Variants in SPSB1 observed in about 807,000 individuals in gnomAD.
SPSB1 encodes SPRY domain-containing SOCS box protein 1.
In SPSB1, 8 loss-of-function variants were observed where a neutral mutation model predicts 21.2. The observed-to-expected ratio is 0.38, with a 90% confidence interval of 0.22 to 0.68. The LOEUF is 0.68. SPSB1 is among the 30% of genes least tolerant of loss of function. The pLI, the probability that SPSB1 is intolerant of heterozygous loss-of-function variation, is 0.53. For synonymous variants in SPSB1, 169 were observed against 161.7 expected (o/e 1.05, Z -0.34); for missense variants, 242 against 377.8 (o/e 0.64, Z 2.98).
rs945183556 is a variant in SPSB1, at chr1:9,317,740, C to T, written c.-150+24669C>T. On this transcript the variant is annotated intron_variant, in intron 1 of 2. Transcript: ENST00000328089. This position sits in a 1 kb window ranked among gnomAD's most constrained non-coding sequence, Gnocchi z 4.3. ...TGAAGCAGTCCACCCTCCTTGGCCT[C>T]CCAGAGTGTTGGGATTACAGGCGTG... 1.3e-5 allele frequency among the ~76,000 whole-genome samples: 2 copies of T among 152,180 alleles called. No homozygotes were observed. The highest frequency in any genetic ancestry group is 6.5e-5 in the Admixed American group (1 of 15,282).
At chr1:9,307,244 G>A (rs1452995946) in intron 1 of SPSB1, among the ~76,000 whole-genome samples, 2 of 152,082 alleles carry the variant, frequency 1.3e-5, no homozygotes, top group Non-Finnish European at 2.9e-5. Flanking sequence ...TCTCAGTTGA[G>A]GTGAAATTCA....
At chr1:9,325,103 C>T (rs997444964) in intron 1 of SPSB1, among the ~76,000 whole-genome samples, 2 of 152,168 alleles carry the variant, frequency 1.3e-5, no homozygotes, top group Admixed American at 1.3e-4. Context: ...GAGCTCAGCA[C>T]GTGGAGTTGG....
At chr1:9,315,940 G>A (rs1415871947) in intron 1 of SPSB1, among the ~76,000 whole-genome samples, 2 of 152,204 alleles carry the variant, frequency 1.3e-5, no homozygotes, top group African/African-American at 2.4e-5. Context: ...CGGGTTTCAC[G>A]CGTGCGGCTC....
In SPSB1 at chr1:9,305,322, G is replaced by T. The variant is rs2100464348; in HGVS notation, c.-150+12251G>T. Among the ~76,000 whole-genome samples, 1 of 152,254 alleles carries T rather than the reference G, an allele frequency of 6.6e-6. No homozygotes were observed. Among genetic ancestry groups the T allele is most frequent in the Admixed American group, 6.5e-5 (1 of 15,288 alleles). On this transcript the variant is annotated intron_variant, in intron 1 of 2. Transcript: ENST00000328089. This position sits in a 1 kb window ranked among gnomAD's most constrained non-coding sequence, Gnocchi z 4.8. Reference sequence around the variant, plus strand: ...GATGTCCCCTTCAGCAGGTAGCCCTGCCATCCACGGTCCACCCTGTCACCC... The same window carrying T: ...GATGTCCCCTTCAGCAGGTAGCCCTTCCATCCACGGTCCACCCTGTCACCC...
intron 2 of SPSB1, among the ~76,000 whole-genome samples, chr1:9,358,187 T>C (rs1640408015): frequency 6.6e-6 from 1 of 152,190 alleles, no homozygotes; most frequent in African/African-American, 2.4e-5. Context: ...TGGTTAGGCA[T>C]GCGCAAACGC....
rs541166147 is a variant in SPSB1, at chr1:9,361,682, C to T, written c.694+5097C>T. 1.1e-4 allele frequency among the ~76,000 whole-genome samples: 17 copies of T among 152,380 alleles called. No homozygotes were observed. The South Asian group carries it at 3.5e-3, about 32-fold the overall frequency. The stretch of plus-strand genomic sequence containing the variant: ...GGCCACAGGCCCCGTGCTCTGATTC[C>T]TCCTCAAGGCTCGAGGCACAAGGCC... On this transcript the variant is annotated intron_variant, in intron 2 of 2. Coordinates refer to ENST00000328089, the MANE Select transcript of SPSB1 (RefSeq NM_025106.4).
In SPSB1 at chr1:9,317,475, C is replaced by G. The variant is rs1047959330; in HGVS notation, c.-150+24404C>G. ...AGATTTTCAGACCACCAGGTGAGAACAGACAGGTTTTTTGTCGTTTGTTTT... is the reference window on the plus strand; with the variant it reads ...AGATTTTCAGACCACCAGGTGAGAAGAGACAGGTTTTTTGTCGTTTGTTTT... On this transcript the variant is annotated intron_variant, in intron 1 of 2. Transcript: ENST00000328089. This position sits in a 1 kb window ranked among gnomAD's most constrained non-coding sequence, Gnocchi z 4.3. 2.0e-5 allele frequency among the ~76,000 whole-genome samples: 3 copies of G among 152,050 alleles called. No homozygotes were observed. The highest frequency in any genetic ancestry group is 7.2e-5 in the African/African-American group (3 of 41,400).
intron 2 of SPSB1, among the ~76,000 whole-genome samples, chr1:9,359,064 A>G (rs1271979449): frequency 6.6e-6 from 1 of 152,212 alleles, no homozygotes; most frequent in Non-Finnish European, 1.5e-5. Flanking sequence ...CGGGAACCGC[A>G]TCTGTGAGCT....
chr1:9,331,568 T>C (rs916882064), intron 1 of SPSB1, among the ~76,000 whole-genome samples: 1 of 152,092 alleles, frequency 6.6e-6, no homozygotes, highest in Admixed American at 6.5e-5. Flanking sequence ...CTGACCTCAG[T>C]TGATCCACTG....
chr1:9,359,891 G>A (rs1167917672), intron 2 of SPSB1, among the ~76,000 whole-genome samples: 1 of 151,892 alleles, frequency 6.6e-6, no homozygotes, highest in African/African-American at 2.4e-5. Flanking sequence ...GGACTCTTTG[G>A]AATGGGCTCA....
intron 1 of SPSB1, among the ~76,000 whole-genome samples, chr1:9,304,698 G>A (rs1415550518): frequency 1.3e-5 from 2 of 152,108 alleles, no homozygotes; most frequent in Non-Finnish European, 2.9e-5. Flanking sequence ...CTAGGTCCAT[G>A]GAGGTGCTTT....
chr1:9,310,666 G>A (rs1349850563), intron 1 of SPSB1, among the ~76,000 whole-genome samples: 1 of 151,904 alleles, frequency 6.6e-6, no homozygotes, highest in Admixed American at 6.6e-5. Context: ...CTGCACTACA[G>A]CCTGGGCAAT....
chr1:9,367,834 G>T lies in SPSB1; in HGVS notation c.*259G>T, dbSNP rs1251582561. The T allele has an allele frequency of 1.7e-5, 9 of 530,158 alleles. No homozygotes were observed. The highest frequency in any genetic ancestry group is 3.0e-5 in the Non-Finnish European group (9 of 301,984). 32.8% of individuals were successfully genotyped at this position (530,158 alleles called of 1,614,324 possible). A position where few individuals can be genotyped will look rare whatever the true frequency, so the allele number is the denominator to read the frequency against. Reference sequence around the variant, plus strand: ...CGTATACAACCCCTCTTTGAAAAAAGACACAGAGAATAAACTCCTACGAAA... The same window carrying T: ...CGTATACAACCCCTCTTTGAAAAAATACACAGAGAATAAACTCCTACGAAA... On this transcript the variant is annotated 3_prime_UTR_variant, in exon 3 of 3. Transcript: ENST00000328089. This position sits in a 1 kb window ranked among gnomAD's most constrained non-coding sequence, Gnocchi z 5.9.
chr1:9,358,266 G>A (rs1640409232), intron 2 of SPSB1, among the ~76,000 whole-genome samples: 1 of 152,174 alleles, frequency 6.6e-6, no homozygotes, highest in African/African-American at 2.4e-5. Flanking sequence ...CTTTGACTGT[G>A]ATGGCAGTGA....
Position 9,367,736 on chromosome 1 carries a change from G to T in SPSB1, c.*161G>T. ...CTCCGTGGCTGCCTCCATGGGACAAGGACCGATTCCAACACAGGCTCCTCT... is the reference window on the plus strand; with the variant it reads ...CTCCGTGGCTGCCTCCATGGGACAATGACCGATTCCAACACAGGCTCCTCT... On this transcript the variant is annotated 3_prime_UTR_variant, in exon 3 of 3. Coordinates refer to ENST00000328089, the MANE Select transcript of SPSB1 (RefSeq NM_025106.4). The surrounding 1 kb of genome is among the most constrained non-coding windows in gnomAD (Gnocchi z 5.9). 1 of 1,119,450 alleles carries T rather than the reference G, an allele frequency of 8.9e-7. No homozygotes were observed. Among genetic ancestry groups the T allele is most frequent in the South Asian group, 1.6e-5 (1 of 60,694 alleles). 69.3% of individuals were successfully genotyped at this position (1,119,450 alleles called of 1,614,324 possible).
Position 9,317,714 on chromosome 1 carries a change from C to T in SPSB1, c.-150+24643C>T, listed in dbSNP as rs1486756134. ...GCCAGGCTGGTCTCAAACTCCTGAG[C>T]TGAAGCAGTCCACCCTCCTTGGCCT... On this transcript the variant is annotated intron_variant, in intron 1 of 2. Coordinates refer to ENST00000328089, the MANE Select transcript of SPSB1 (RefSeq NM_025106.4). The surrounding 1 kb of genome is among the most constrained non-coding windows in gnomAD (Gnocchi z 4.3). 6.6e-6 allele frequency among the ~76,000 whole-genome samples: 1 copy of T among 152,140 alleles called. No homozygotes were observed. Among genetic ancestry groups the T allele is most frequent in the African/African-American group, 2.4e-5 (1 of 41,420 alleles).
At chr1:9,338,148 C>T (rs1409729562) in intron 1 of SPSB1, among the ~76,000 whole-genome samples, 2 of 152,204 alleles carry the variant, frequency 1.3e-5, no homozygotes, top group Admixed American at 6.5e-5. Flanking sequence ...CTCGCTCCTC[C>T]CCCCAGACCT....
Position 9,313,261 on chromosome 1 carries a change from G to A in SPSB1, c.-150+20190G>A, listed in dbSNP as rs368121681. ...AAAAAATACAAAAAAGTAGCCAGACGTGGTGCCGGGCACCTATAATCCCAG... is the reference window on the plus strand; with the variant it reads ...AAAAAATACAAAAAAGTAGCCAGACATGGTGCCGGGCACCTATAATCCCAG... On this transcript the variant is annotated intron_variant, in intron 1 of 2. Coordinates refer to ENST00000328089, the MANE Select transcript of SPSB1 (RefSeq NM_025106.4). Among the ~76,000 whole-genome samples, 7 of 152,286 alleles carry A rather than the reference G, an allele frequency of 4.6e-5. No homozygotes were observed. The East Asian group carries it at 7.7e-4, about 17-fold the overall frequency.
At chr1:9,357,353 A>G (rs1004090281) in intron 2 of SPSB1, among the ~76,000 whole-genome samples, 2 of 152,198 alleles carry the variant, frequency 1.3e-5, no homozygotes, top group Non-Finnish European at 2.9e-5. Flanking sequence ...TAATGAATTG[A>G]TGGATAAATG....
Sources: gnomAD v4.1 joint callset for allele counts (sites outside exome capture counted in the v4.1 genomes callset) on GRCh38, gnomAD v4.1.1 for gene constraint, Gnocchi (gnomAD v3.1) non-coding constraint, MANE v1.5 for transcripts, NCBI Gene and HGNC (gene_info 2026-07-23, HGNC 2026-07-21) for gene names.